Variants in APTX observed in about 807,000 individuals in gnomAD.
The protein encoded by APTX is aprataxin.
Under a neutral mutation model 42.3 loss-of-function variants are expected in APTX, and 33 were observed. The observed-to-expected ratio is 0.78, with a 90% CI of 0.59 to 1.04. The LOEUF (loss-of-function observed/expected upper bound fraction) is 1.04, where lower values mean the gene tolerates loss of function less well. Ranked by LOEUF, APTX falls within the 50% of genes least tolerant of loss-of-function variation. The pLI is 0.00. For missense variants in APTX, 421 were observed against 415.1 expected, an observed-to-expected ratio of 1.01 and a Z score of -0.12; for synonymous variants, 130 against 146.7, an observed-to-expected ratio of 0.89 and a Z score of 0.82.
At chr9:32,991,105 T>C (rs567874709) in intron 1 of APTX, among the ~76,000 whole-genome samples, 1 of 152,220 alleles carries the variant, frequency 6.6e-6, no homozygotes, top group East Asian at 1.9e-4. Flanking sequence ...TTTATATTTT[T>C]AGTAGAGACT....
At chr9:33,005,208 A>G (rs1165894921), upstream of APTX, among the ~76,000 whole-genome samples, 1 of 151,846 alleles carries the variant, frequency 6.6e-6, no homozygotes, top group Non-Finnish European at 1.5e-5. Context: ...GGTGCTTTTC[A>G]CTCTGCTTGC....
intron 1 of APTX, chr9:33,020,124 G>A (rs986871748): frequency 1.6e-5 from 6 of 372,818 alleles, no homozygotes; most frequent in South Asian, 1.3e-4. Flanking sequence ...CTGCATCCAC[G>A]TCCCACATAA....
chr9:33,011,276 G>A (rs1301365294), intron 1 of APTX, among the ~76,000 whole-genome samples: 1 of 151,788 alleles, frequency 6.6e-6, no homozygotes, highest in Non-Finnish European at 1.5e-5. Context: ...ATTTTAATCA[G>A]TGGAGCACCA....
intron 2 of APTX, chr9:32,989,540 T>A: frequency 1.4e-6 from 1 of 700,766 alleles, no homozygotes; most frequent in South Asian, 1.5e-5. Context: ...TGAACTTGAC[T>A]GCTCCCAACC....
intron 1 of APTX, among the ~76,000 whole-genome samples, chr9:33,014,113 GCA>G (rs1837732183): frequency 6.6e-6 from 1 of 152,204 alleles, no homozygotes; most frequent in South Asian, 2.1e-4. Context: ...CCAATGCTCA[GCA>G]CAGAAACTGA....
At chr9:32,981,370 G>A (rs1319578062) in intron 6 of APTX, among the ~76,000 whole-genome samples, 5 of 152,168 alleles carry the variant, frequency 3.3e-5, no homozygotes, top group Admixed American at 6.6e-5. Flanking sequence ...ATGAACTCAT[G>A]GTTTTTCACA....
chr9:32,973,599 G>A lies in APTX; in HGVS notation c.928C>T (p.Pro310Ser), dbSNP rs1269363354. Residue 310 changes from proline (P) to serine (S), a missense_variant, in exon 8 of 8, where the codon CCT becomes TCT. By Grantham distance (74) the Pro-to-Ser change is moderately conservative (BLOSUM62 -1). Coordinates refer to ENST00000379817, the MANE Select transcript of APTX (RefSeq NM_001195248.2). ...CGAAGGGGCAGCTTCAAGAGCTCAG[G>A]CATCCCATCTCGGACAGTTACTCTA... ...AGRVTVRDGM[P>S]ELLKLPLRCH... The A allele has an allele frequency of 1.9e-6, 3 of 1,613,484 alleles. No homozygotes were observed. The highest frequency in any genetic ancestry group is 2.5e-6 in the Non-Finnish European group (3 of 1,179,974).
At chr9:33,003,484 C>T (rs943304422), upstream of APTX, among the ~76,000 whole-genome samples, 4 of 152,098 alleles carry the variant, frequency 2.6e-5, no homozygotes, top group Non-Finnish European at 5.9e-5. Flanking sequence ...AGTTCAAGAC[C>T]AGCCTGGCGT....
intron 6 of APTX, 63 bp from the exon 7 acceptor site, chr9:32,974,624 A>C: frequency 1.1e-6 from 1 of 914,128 alleles, no homozygotes; most frequent in Non-Finnish European, 1.8e-6. Flanking sequence ...AATCAAAATG[A>C]CAAAGAGTAT....
chr9:33,016,732 C>A (rs1837930115), intron 1 of APTX, among the ~76,000 whole-genome samples: 1 of 151,296 alleles, frequency 6.6e-6, no homozygotes, highest in East Asian at 1.9e-4. Flanking sequence ...AAAGTACTCA[C>A]TGCTAAGAGG....
intron 1 of APTX, among the ~76,000 whole-genome samples, chr9:33,024,404 C>T (rs1316755125): frequency 6.6e-6 from 1 of 152,222 alleles, no homozygotes; most frequent in Admixed American, 6.5e-5. Context: ...CCCCGTGGTA[C>T]CATTTTCAAG....
At position 32,989,888 on chromosome 9, in the gene APTX, T is replaced by C; in HGVS notation, c.4A>G (p.Met2Val). 6.2e-7 allele frequency: 1 copy of C among 1,614,002 alleles called. No individual in the cohort carries two copies. Among genetic ancestry groups the C allele is most frequent in the Non-Finnish European group, 8.5e-7 (1 of 1,179,948 alleles). The part of the protein sequence containing the change: M[M>V]RVCWLVRQDS... Reference sequence around the variant, plus strand: ...TGTCTCACCAACCAGCACACCCGCATCATCACTCTAAGGGACAAAACAAAA... The same window carrying C: ...TGTCTCACCAACCAGCACACCCGCACCATCACTCTAAGGGACAAAACAAAA... The change falls in exon 2 of 8, where the codon ATG (methionine) becomes GTG (valine). Residue 2 changes from methionine to valine, a missense_variant. By Grantham distance (21) the Met-to-Val change is conservative. Transcript: ENST00000379817.
chr9:32,976,290 G>C (rs995706411), intron 6 of APTX, among the ~76,000 whole-genome samples: 5 of 152,072 alleles, frequency 3.3e-5, no homozygotes, highest in Admixed American at 3.3e-4. Context: ...ATGATGAGTT[G>C]ATGGGCGCAG....
chr9:32,994,015 G>A (rs561796360), intron 1 of APTX, among the ~76,000 whole-genome samples: 11 of 152,240 alleles, frequency 7.2e-5, no homozygotes, highest in South Asian at 4.1e-4. Context: ...CACCGCGCCC[G>A]GCCCAGCTCT....
chr9:33,001,574 A>T lies in APTX; in HGVS notation c.-12T>A. The T allele has an allele frequency of 6.2e-7, 1 of 1,613,982 alleles. No individual in the cohort carries two copies. Among genetic ancestry groups the T allele is most frequent in the Non-Finnish European group, 8.5e-7 (1 of 1,180,024 alleles). On this transcript the variant is annotated 5_prime_UTR_variant, in exon 1 of 8. Coordinates refer to ENST00000379817, the MANE Select transcript of APTX (RefSeq NM_001195248.2). Reference sequence around the variant, plus strand: ...GGCTGACGACCGCCTTACCTCCAGAAGTCGGAGACGGACAAATTCACGTTA... The same window carrying T: ...GGCTGACGACCGCCTTACCTCCAGATGTCGGAGACGGACAAATTCACGTTA...
chr9:32,992,245 C>A (rs992711332), intron 1 of APTX, among the ~76,000 whole-genome samples: 2 of 152,282 alleles, frequency 1.3e-5, no homozygotes, highest in African/African-American at 4.8e-5. Flanking sequence ...AAAAAGAAAC[C>A]CGATTTTTAA....
rs1401646824 is a variant in APTX at position 32,984,722 on chromosome 9, T to C, written c.679A>G (p.Met227Val). Reference sequence around the variant, plus strand: ...ATCACCTTTTCCCCCACAGTGTGCATATGCTTAAGGAGTTCAAGGTGTTCC... The same window carrying C: ...ATCACCTTTTCCCCCACAGTGTGCACATGCTTAAGGAGTTCAAGGTGTTCC... ...AREHLELLKH[M>V]HTVGEKVIVD... Residue 227 changes from methionine (M) to valine (V), a missense_variant, in exon 6 of 8, where the codon ATG becomes GTG. Met to Val is a conservative substitution (Grantham distance 21, BLOSUM62 1). Transcript: ENST00000379817. The C allele has an allele frequency of 2.5e-6, 4 of 1,614,166 alleles. No individual in the cohort carries two copies. In the Admixed American group the frequency reaches 5.0e-5, roughly 20 times the overall value.
Position 32,989,697 on chromosome 9 carries a change from C to T in APTX, c.133+62G>A. ...CCATCAAGATCACCCAGAAAATATG[C>T]ATCTTTGGTTATCACTATCCCACAT... is the stretch of plus-strand genomic sequence containing the variant. On this transcript the variant is annotated intron_variant, in intron 2 of 7. Transcript: ENST00000379817. 8.7e-6 allele frequency: 14 copies of T among 1,610,776 alleles called. No individual in the cohort carries two copies. The South Asian group carries it at 1.5e-4, about 18-fold the overall frequency.
rs1309332101 is a variant in APTX, at chr9:32,984,803, A to T, written c.598T>A (p.Tyr200Asn). The T allele has an allele frequency of 6.2e-7, 1 of 1,614,126 alleles. No homozygotes were observed. Among genetic ancestry groups the T allele is most frequent in the Non-Finnish European group, 8.5e-7 (1 of 1,180,050 alleles). The stretch of plus-strand genomic sequence containing the variant: ...GTCCACGGTAAGACCAGCCAATGGT[A>T]ACGGGCCTTTGGGTATTTATCCTTT... Reference protein sequence around the residue: ...VIKDKYPKARYHWLVLPWTSI... With the variant: ...VIKDKYPKARNHWLVLPWTSI... Residue 200 changes from tyrosine (Y) to asparagine (N), a missense_variant, in exon 6 of 8, where the codon TAC becomes AAC. Physicochemically the swap from Tyr to Asn is moderately radical, Grantham distance 143. Coordinates refer to ENST00000379817, the MANE Select transcript of APTX (RefSeq NM_001195248.2).
Sources: gnomAD v4.1 joint callset for allele counts (sites outside exome capture counted in the v4.1 genomes callset) on GRCh38, gnomAD v4.1.1 for gene constraint, MANE v1.5 for transcripts, NCBI Gene and HGNC (gene_info 2026-07-23, HGNC 2026-07-21) for gene names.